Variants in ZNF778 observed in about 807,000 individuals in gnomAD.
The protein encoded by ZNF778 is zinc finger protein 778.
Under a neutral mutation model 23.9 loss-of-function variants are expected in ZNF778, and 37 were observed. The observed-to-expected ratio is 1.54, with a 90% CI of 1.19 to 2.03. The LOEUF (loss-of-function observed/expected upper bound fraction) is 2.03. Among genes scored for constraint, ZNF778 ranks in the 30% most tolerant of loss-of-function variants. The probability of loss-of-function intolerance (pLI) is 0.00; values close to 1 mark genes in which losing one functional copy is unlikely to be tolerated. For missense variants in ZNF778, 1,297 were observed against 934.4 expected (o/e 1.39, Z -5.06); for synonymous variants, 483 against 343.9 (o/e 1.40, Z -4.48).
rs1260346213 is a variant in ZNF778, at chr16:89,227,028, A to G, written c.740A>G (p.His247Arg). The G allele has an allele frequency of 1.9e-6, 3 of 1,614,006 alleles. No individual in the cohort carries two copies. The highest frequency in any genetic ancestry group is 2.2e-5 in the East Asian group (1 of 44,890). The change falls in exon 7 of 7, where the codon CAC becomes CGC. Residue 247 changes from histidine (H) to arginine (R), a missense_variant. Physicochemically the swap from His to Arg is conservative, Grantham distance 29 (BLOSUM62 0). Coordinates refer to ENST00000433976, the MANE Select transcript of ZNF778 (RefSeq NM_001201407.2). ...TACCTTCAGGCACGTGCGGGAAGTC[A>G]CAACGGAGAAGAAACATGGAAATGG... ...QSYLQARAGS[H>R]NGEETWKWKP...
intron 2 of ZNF778, 50 bp downstream of exon 2, chr16:89,221,202 A>G: frequency 1.4e-6 from 2 of 1,443,206 alleles, no homozygotes; most frequent in Non-Finnish European, 1.8e-6. Flanking sequence ...AGGTCCTGAT[A>G]CACAGTGTGT....
chr16:89,232,719 A>T lies in ZNF778; in HGVS notation c.*4157A>T. The T allele has an allele frequency of 1.6e-6, 2 of 1,277,162 alleles. No individual in the cohort carries two copies. The highest frequency in any genetic ancestry group is 1.5e-5 in the African/African-American group (1 of 65,870). The allele number at this position is 1,277,162 out of a possible 1,614,324, so 79.1% of individuals were successfully genotyped here. A position where few individuals can be genotyped will look rare whatever the true frequency, so the allele number is the denominator to read the frequency against. ...GGCTAGACCGTCCCTCTCAGGCTAG[A>T]TCATTCCTAAAGATGGTAAACAACT... is the stretch of plus-strand genomic sequence containing the variant. On this transcript the variant is annotated 3_prime_UTR_variant, in exon 7 of 7. Coordinates refer to ENST00000433976, the MANE Select transcript of ZNF778 (RefSeq NM_001201407.2).
At chr16:89,221,229 C>G in intron 2 of ZNF778, 77 bp downstream of exon 2, 1 of 1,475,544 alleles carries the variant, frequency 6.8e-7, no homozygotes, top group Non-Finnish European at 9.2e-7. Context: ...GGCCCATGGA[C>G]GGGGCCTGAG....
Position 89,230,941 on chromosome 16 carries a change from G to A in ZNF778, c.*2379G>A, listed in dbSNP as rs1175696936. ...ACAGACCCATGCACCTTCATGTTACGTGTTTAAAATTCTGGATGGACAGAC... is the reference window on the plus strand; with the variant it reads ...ACAGACCCATGCACCTTCATGTTACATGTTTAAAATTCTGGATGGACAGAC... On this transcript the variant is annotated 3_prime_UTR_variant, in exon 7 of 7. Transcript: ENST00000433976. 1 of 152,156 alleles carries A rather than the reference G, an allele frequency of 6.6e-6. No homozygotes were observed. Among genetic ancestry groups the A allele is most frequent in the Non-Finnish European group, 1.5e-5 (1 of 68,052 alleles). 9.4% of individuals were successfully genotyped at this position (152,156 alleles called of 1,614,324 possible). A position where few individuals can be genotyped will look rare whatever the true frequency, so the allele number is the denominator to read the frequency against.
rs997314017 is a variant in ZNF778, at chr16:89,231,823, T to C, written c.*3261T>C. On this transcript the variant is annotated 3_prime_UTR_variant, in exon 7 of 7. Coordinates refer to ENST00000433976, the MANE Select transcript of ZNF778 (RefSeq NM_001201407.2). ...AGTGCCTTCTCCTCCGCTGCAGCTT[T>C]CCATCTCATCTCCTTACTCCCTTGA... 6 of 152,190 alleles carry C rather than the reference T, an allele frequency of 3.9e-5. No individual in the cohort carries two copies. Among genetic ancestry groups the C allele is most frequent in the Non-Finnish European group, 8.8e-5 (6 of 68,050 alleles). 9.4% of individuals were successfully genotyped at this position (152,190 alleles called of 1,614,324 possible).
rs548581643 is a variant in ZNF778 at position 89,228,277 on chromosome 16, C to T, written c.1989C>T (p.His663=). 2 of 1,605,594 alleles carry T rather than the reference C, an allele frequency of 1.2e-6. No individual in the cohort carries two copies. Among genetic ancestry groups the T allele is most frequent in the South Asian group, 2.2e-5 (2 of 90,632 alleles). ...CTTCCTCCTCACACCTTATCGAACA[C>T]AGAAGGACTCACACAGGAGAGAAAC... ...AFASSSHLIE[H]RRTHTGEKPY... is the part of the protein sequence containing the mutation. Residue 663 remains histidine (H), a synonymous_variant, in exon 7 of 7, where the codon CAC becomes CAT. Transcript: ENST00000433976.
At position 89,227,461 on chromosome 16, in the gene ZNF778, G is replaced by C. The variant is rs760705526; in HGVS notation, c.1173G>C (p.Lys391Asn). 3.7e-6 allele frequency: 6 copies of C among 1,613,862 alleles called. No individual in the cohort carries two copies. The South Asian group carries it at 6.6e-5, about 18-fold the overall frequency. ...ATGGAAAAACTCACACGAGGGAGAA[G>C]CCCTTTGCATGTGTGGTTTGCGGAA... ...NEHGKTHTRE[K>N]PFACVVCGKY... Residue 391 changes from lysine (K) to asparagine (N), a missense_variant, in exon 7 of 7, where the codon AAG becomes AAC. Coordinates refer to ENST00000433976, the MANE Select transcript of ZNF778 (RefSeq NM_001201407.2).
In ZNF778 at chr16:89,228,064, G is replaced by T. The variant is rs1315153425; in HGVS notation, c.1776G>T (p.Lys592Asn). 6.2e-7 allele frequency: 1 copy of T among 1,613,070 alleles called. No homozygotes were observed. Among genetic ancestry groups the T allele is most frequent in the South Asian group, 1.1e-5 (1 of 91,042 alleles). Residue 592 changes from lysine (K) to asparagine (N), a missense_variant, in exon 7 of 7, where the codon AAG (lysine) becomes AAT (asparagine). Transcript: ENST00000433976. ...CTGGAATAAAACCTTATGAATGTAA[G>T]GACTGTGGGAAAACATTCACTGTTT... Reference protein sequence around the residue: ...IHTGIKPYECKDCGKTFTVSS... With the variant: ...IHTGIKPYECNDCGKTFTVSS...
chr16:89,221,218 A>G (rs911300655), intron 2 of ZNF778, 66 bp downstream of exon 2: 14 of 1,520,416 alleles, frequency 9.2e-6, no homozygotes, highest in Non-Finnish European at 1.2e-5. Flanking sequence ...TGTGTGTATC[A>G]GGCCCATGGA....
Position 89,228,016 on chromosome 16 carries a change from G to A in ZNF778, c.1728G>A (p.Leu576=). The A allele has an allele frequency of 6.3e-7, 1 of 1,588,970 alleles. No individual in the cohort carries two copies. Among genetic ancestry groups the A allele is most frequent in the Non-Finnish European group, 8.6e-7 (1 of 1,164,588 alleles). The change falls in exon 7 of 7, where the codon CTG becomes CTA. Residue 576 remains leucine, a synonymous_variant. Coordinates refer to ENST00000433976, the MANE Select transcript of ZNF778 (RefSeq NM_001201407.2). ...CRKSFRNSSC[L]NKHIQIHTGI... ...AATCCTTCAGAAATTCCTCGTGCCT[G>A]AATAAGCACATTCAGATTCACACTG...
intron 5 of ZNF778, 48 bp from the exon 6 acceptor site, chr16:89,225,507 A>T: frequency 6.8e-7 from 1 of 1,461,696 alleles, no homozygotes; most frequent in Non-Finnish European, 9.4e-7. Flanking sequence ...TATGAAAACA[A>T]ATACCAATGA....
chr16:89,220,178 T>C (rs1466731743), intron 1 of ZNF778, among the ~76,000 whole-genome samples: 1 of 152,194 alleles, frequency 6.6e-6, no homozygotes, highest in Non-Finnish European at 1.5e-5. Context: ...TGTGGGTCTT[T>C]TAGCCCAAAG....
At position 89,223,174 on chromosome 16, in the gene ZNF778, C is replaced by G. The variant is rs113075149; in HGVS notation, c.135C>G (p.Asp45Glu). 6.2e-7 allele frequency: 1 copy of G among 1,613,646 alleles called. No homozygotes were observed. Among genetic ancestry groups the G allele is most frequent in the South Asian group, 1.1e-5 (1 of 91,020 alleles). The change falls in exon 4 of 7, where the codon GAC becomes GAG. Residue 45 changes from aspartate (D) to glutamate (E), a missense_variant. By Grantham distance (45) the Asp-to-Glu change is conservative. Coordinates refer to ENST00000433976, the MANE Select transcript of ZNF778 (RefSeq NM_001201407.2). ...TGATTTAGGACGCGGTGACCTTTGA[C>G]GACGTGGCTGTGGACTTCACCCAGG... ...INCYQDAVTF[D>E]DVAVDFTQEE...
intron 1 of ZNF778, among the ~76,000 whole-genome samples, chr16:89,218,577 G>A (rs1404009350): frequency 7.2e-6 from 1 of 139,074 alleles, no homozygotes; most frequent in Non-Finnish European, 1.6e-5. Flanking sequence ...GGATCACGAG[G>A]TCAGGAGACC....
Position 89,228,866 on chromosome 16 carries a change from T to A in ZNF778, c.*304T>A. On this transcript the variant is annotated 3_prime_UTR_variant, in exon 7 of 7. Transcript: ENST00000433976. ...TTGATGATCCCTTGTGATCTCACAATGAAGAAAAACCTTAGGAGGGTGAGA... is the reference window on the plus strand; with the variant it reads ...TTGATGATCCCTTGTGATCTCACAAAGAAGAAAAACCTTAGGAGGGTGAGA... The A allele has an allele frequency of 1.9e-6, 2 of 1,074,942 alleles. No homozygotes were observed. Among genetic ancestry groups the A allele is most frequent in the Non-Finnish European group, 1.1e-6 (1 of 887,778 alleles). 66.6% of individuals were successfully genotyped at this position (1,074,942 alleles called of 1,614,324 possible). A position where few individuals can be genotyped will look rare whatever the true frequency, so the allele number is the denominator to read the frequency against.
At chr16:89,219,522 G>A (rs2030708877) in intron 1 of ZNF778, among the ~76,000 whole-genome samples, 1 of 152,216 alleles carries the variant, frequency 6.6e-6, no homozygotes, top group South Asian at 2.1e-4. Flanking sequence ...CCAAGCCCCA[G>A]CCTATTTCTG....
At position 89,232,452 on chromosome 16, in the gene ZNF778, G is replaced by A; in HGVS notation, c.*3890G>A. 2.7e-6 allele frequency: 1 copy of A among 367,462 alleles called. No individual in the cohort carries two copies. The highest frequency in any genetic ancestry group is 2.4e-5 in the South Asian group (1 of 41,546). The allele number at this position is 367,462 out of a possible 1,614,324, so 22.8% of individuals were successfully genotyped here. On this transcript the variant is annotated 3_prime_UTR_variant, in exon 7 of 7. Coordinates refer to ENST00000433976, the MANE Select transcript of ZNF778 (RefSeq NM_001201407.2). ...ACAGACTAAGACACCAAGCATGATG[G>A]AAAACTGGGTTATGGGCAGGACTGC...
In ZNF778 at chr16:89,227,766, C is replaced by T. The variant is rs543181592; in HGVS notation, c.1478C>T (p.Thr493Ile). Residue 493 changes from threonine to isoleucine, a missense_variant, in exon 7 of 7, where the codon ACT becomes ATT. Coordinates refer to ENST00000433976, the MANE Select transcript of ZNF778 (RefSeq NM_001201407.2). ...GKSFTVSSSL[T>I]EHARIHTGEK... Reference sequence around the variant, plus strand: ...TCCTTCACTGTTTCTTCAAGCCTGACTGAGCACGCGAGAATCCATACCGGA... The same window carrying T: ...TCCTTCACTGTTTCTTCAAGCCTGATTGAGCACGCGAGAATCCATACCGGA... 5.6e-6 allele frequency: 9 copies of T among 1,613,026 alleles called. No individual in the cohort carries two copies. The South Asian group carries it at 7.7e-5, about 14-fold the overall frequency.
intron 1 of ZNF778, among the ~76,000 whole-genome samples, chr16:89,219,418 A>C (rs4785611): frequency 4.1e-4 from 62 of 152,334 alleles, no homozygotes; most frequent in African/African-American, 1.3e-3. Context: ...TAAGCACCTT[A>C]TGCCTTTGGG....
Sources: allele counts gnomAD v4.1 joint callset (sites outside exome capture counted in the v4.1 genomes callset), GRCh38; gene constraint gnomAD v4.1.1; transcripts MANE v1.5; gene names NCBI Gene and HGNC (gene_info 2026-07-23, HGNC 2026-07-21).